AGPAT4: variants seen among roughly 807,000 people sequenced by gnomAD.
AGPAT4 encodes 1-acyl-sn-glycerol-3-phosphate acyltransferase delta.
In AGPAT4, 15 loss-of-function variants were observed where a neutral mutation model predicts 48.0. The ratio of observed to expected loss-of-function variants is 0.31; its 90% CI spans 0.21 to 0.48. The LOEUF (loss-of-function observed/expected upper bound fraction) is 0.48, where lower values mean the gene tolerates loss of function less well. Among genes scored for constraint, AGPAT4 ranks in the 20% least tolerant of loss-of-function variants. AGPAT4 has a pLI of 0.99. For synonymous variants in AGPAT4, 178 were observed against 198.7 expected, an observed-to-expected ratio of 0.90 and a Z score of 0.88; for missense variants, 314 against 482.5, an observed-to-expected ratio of 0.65 and a Z score of 3.27.
rs909970326 is a variant in AGPAT4, at chr6:161,242,540, T to C, written c.-89-10238A>G. ...GGGCTGGAGGGTGCAGACCTCAGAG[T>C]AGGTACACATTCTGAGGGTGCCAGC... On this transcript the variant is annotated intron_variant, in intron 1 of 8. Coordinates refer to ENST00000320285, the MANE Select transcript of AGPAT4 (RefSeq NM_020133.3). The surrounding 1 kb of genome is among the most constrained non-coding windows in gnomAD (Gnocchi z 5.0). 6.6e-6 allele frequency among the ~76,000 whole-genome samples: 1 copy of C among 151,920 alleles called. No individual in the cohort carries two copies. The highest frequency in any genetic ancestry group is 1.5e-5 in the Non-Finnish European group (1 of 67,990).
Position 161,189,777 on chromosome 6 carries a change from C to A in AGPAT4, c.179-23360G>T, listed in dbSNP as rs1160420563. Among the ~76,000 whole-genome samples, 1 of 152,146 alleles carries A rather than the reference C, an allele frequency of 6.6e-6. No individual in the cohort carries two copies. Among genetic ancestry groups the A allele is most frequent in the Non-Finnish European group, 1.5e-5 (1 of 68,036 alleles). On this transcript the variant is annotated intron_variant, in intron 2 of 8. Transcript: ENST00000320285. The surrounding 1 kb of genome is among the most constrained non-coding windows in gnomAD (Gnocchi z 5.3). ...CCTCCACCCAAAAAAGGGCTGAATG[C>A]CAACCTGAAATGTGGTTCTCTGAGT...
In AGPAT4 at chr6:161,180,147, A is replaced by G. The variant is rs1410874209; in HGVS notation, c.179-13730T>C. On this transcript the variant is annotated intron_variant, in intron 2 of 8. Coordinates refer to ENST00000320285, the MANE Select transcript of AGPAT4 (RefSeq NM_020133.3). This position sits in a 1 kb window ranked among gnomAD's most constrained non-coding sequence, Gnocchi z 6.4. ...TCCCAGGGATGCCTATCCTCCCTGG[A>G]GACCCCAACAATATTTCAAGCCTCC... 1.3e-5 allele frequency among the ~76,000 whole-genome samples: 2 copies of G among 152,114 alleles called. No individual in the cohort carries two copies. Among genetic ancestry groups the G allele is most frequent in the Non-Finnish European group, 2.9e-5 (2 of 68,012 alleles).
intron 1 of AGPAT4, among the ~76,000 whole-genome samples, chr6:161,265,166 T>TG (rs1436968343): frequency 1.1e-3 from 132 of 119,788 alleles, no homozygotes; most frequent in East Asian, 8.1e-3. Flanking sequence ...GACTGGGTGC[T>TG]GATTAGTACC....
Position 161,166,012 on chromosome 6 carries a change from A to G in AGPAT4, c.348+236T>C, listed in dbSNP as rs1389577073. ...GTTGCTGTAAGGATTAAATAAATGA[A>G]TCATATGTAAAATGGCCGGCAGGTA... On this transcript the variant is annotated intron_variant, in intron 3 of 8. Coordinates refer to ENST00000320285, the MANE Select transcript of AGPAT4 (RefSeq NM_020133.3). This position sits in a 1 kb window ranked among gnomAD's most constrained non-coding sequence, Gnocchi z 6.7. 1 of 624,300 alleles carries G rather than the reference A, an allele frequency of 1.6e-6. No individual in the cohort carries two copies. Among genetic ancestry groups the G allele is most frequent in the East Asian group, 2.7e-5 (1 of 36,432 alleles). The allele number at this position is 624,300 out of a possible 1,614,324, so 38.7% of individuals were successfully genotyped here.
chr6:161,264,053 T>TA lies in AGPAT4; in HGVS notation c.-90+9884dup, dbSNP rs1268914132. Among the ~76,000 whole-genome samples the TA allele has an allele frequency of 1.3e-5, 2 of 152,124 alleles. No individual in the cohort carries two copies. The highest frequency in any genetic ancestry group is 2.9e-5 in the Non-Finnish European group (2 of 68,026). On this transcript the variant is annotated intron_variant, in intron 1 of 8. Coordinates refer to ENST00000320285, the MANE Select transcript of AGPAT4 (RefSeq NM_020133.3). This position sits in a 1 kb window ranked among gnomAD's most constrained non-coding sequence, Gnocchi z 6.8. ...CTGGGGGCAAGCTGAAATGAGGTGT[T>TA]ATACAAAGCAGACAGCTTCTAGTAA...
In AGPAT4 at chr6:161,130,602, C is replaced by T. The variant is rs1778868565; in HGVS notation, c.*5938G>A. On this transcript the variant is annotated 3_prime_UTR_variant, in exon 9 of 9. Transcript: ENST00000320285. Reference sequence around the variant, plus strand: ...CCTGACCTGAACCGGGTGTGTTCCACCCTTGCCCATGGTTAGATCTCTTTC... The same window carrying T: ...CCTGACCTGAACCGGGTGTGTTCCATCCTTGCCCATGGTTAGATCTCTTTC... 4.1e-6 allele frequency: 1 copy of T among 245,124 alleles called. No homozygotes were observed. Among genetic ancestry groups the T allele is most frequent in the African/African-American group, 2.2e-5 (1 of 45,372 alleles). The allele number at this position is 245,124 out of a possible 1,614,324, so 15.2% of individuals were successfully genotyped here.
At position 161,170,497 on chromosome 6, in the gene AGPAT4, A is replaced by G. The variant is rs528764924; in HGVS notation, c.179-4080T>C. ...CGCACACACACACACACACACACAC[A>G]CACACACACATACACATATACTCAA... On this transcript the variant is annotated intron_variant, in intron 2 of 8. Transcript: ENST00000320285. Among the ~76,000 whole-genome samples, 323 of 152,136 alleles carry G rather than the reference A, an allele frequency of 2.1e-3. 2 individuals carry two copies. Among genetic ancestry groups the G allele is most frequent in the African/African-American group, 7.4e-3 (307 of 41,476 alleles).
rs928441570 is a variant in AGPAT4 at position 161,249,466 on chromosome 6, C to T, written c.-89-17164G>A. Among the ~76,000 whole-genome samples the T allele has an allele frequency of 7.2e-5, 11 of 152,018 alleles. No homozygotes were observed. In the East Asian group the frequency reaches 1.2e-3, roughly 16 times the overall value. ...TCCATAAGGAACTTAAATAAATTTA[C>T]GAGAAAAAACACACAACCCCATTAA... is the stretch of plus-strand genomic sequence containing the variant. On this transcript the variant is annotated intron_variant, in intron 1 of 8. Coordinates refer to ENST00000320285, the MANE Select transcript of AGPAT4 (RefSeq NM_020133.3). The surrounding 1 kb of genome is among the most constrained non-coding windows in gnomAD (Gnocchi z 6.2).
rs140213710 is a variant in AGPAT4 at position 161,264,188 on chromosome 6, T to C, written c.-90+9750A>G. Among the ~76,000 whole-genome samples the C allele has an allele frequency of 5.9e-3, 899 of 152,264 alleles. 9 individuals carry two copies. Among genetic ancestry groups the C allele is most frequent in the African/African-American group, 0.021 (871 of 41,538 alleles). On this transcript the variant is annotated intron_variant, in intron 1 of 8. Coordinates refer to ENST00000320285, the MANE Select transcript of AGPAT4 (RefSeq NM_020133.3). This position sits in a 1 kb window ranked among gnomAD's most constrained non-coding sequence, Gnocchi z 6.8. Reference sequence around the variant, plus strand: ...TATGATTGGAAAGTGACCTTCTTTCTCCCTATATTTACTATCTCAGGGCGT... The same window carrying C: ...TATGATTGGAAAGTGACCTTCTTTCCCCCTATATTTACTATCTCAGGGCGT...
chr6:161,255,072 A>G lies in AGPAT4; in HGVS notation c.-90+18866T>C, dbSNP rs142321230. 2.1e-3 allele frequency among the ~76,000 whole-genome samples: 320 copies of G among 152,302 alleles called. No individual in the cohort carries two copies. The highest frequency in any genetic ancestry group is 7.5e-3 in the African/African-American group (310 of 41,572). On this transcript the variant is annotated intron_variant, in intron 1 of 8. Transcript: ENST00000320285. This position sits in a 1 kb window ranked among gnomAD's most constrained non-coding sequence, Gnocchi z 4.7. ...AAGCAAAGATACACTAAGTCTAGAC[A>G]GGCCCTGGTTCCCTGTGATAAACTC...
chr6:161,262,329 A>G lies in AGPAT4; in HGVS notation c.-90+11609T>C, dbSNP rs1465780337. Among the ~76,000 whole-genome samples, 2 of 152,192 alleles carry G rather than the reference A, an allele frequency of 1.3e-5. No homozygotes were observed. Among genetic ancestry groups the G allele is most frequent in the Non-Finnish European group, 2.9e-5 (2 of 68,032 alleles). On this transcript the variant is annotated intron_variant, in intron 1 of 8. Coordinates refer to ENST00000320285, the MANE Select transcript of AGPAT4 (RefSeq NM_020133.3). The surrounding 1 kb of genome is among the most constrained non-coding windows in gnomAD (Gnocchi z 4.9). ...AGAACATGGGTTAGACTCTGCTGCC[A>G]GGACCTGAAAAGCGTGATGGAGCTG...
At position 161,259,759 on chromosome 6, in the gene AGPAT4, A is replaced by G. The variant is rs2114747910; in HGVS notation, c.-90+14179T>C. On this transcript the variant is annotated intron_variant, in intron 1 of 8. Transcript: ENST00000320285. The surrounding 1 kb of genome is among the most constrained non-coding windows in gnomAD (Gnocchi z 4.9). Reference sequence around the variant, plus strand: ...AGCTTACCAACAGGGCAACTCCTCAAATGTGACCAAGGAAGAGAGTTAAGA... The same window carrying G: ...AGCTTACCAACAGGGCAACTCCTCAGATGTGACCAAGGAAGAGAGTTAAGA... Among the ~76,000 whole-genome samples, 1 of 152,236 alleles carries G rather than the reference A, an allele frequency of 6.6e-6. No homozygotes were observed. The highest frequency in any genetic ancestry group is 2.4e-5 in the African/African-American group (1 of 41,564).
rs757891212 is a variant in AGPAT4, at chr6:161,139,453, C to T, written c.1011G>A (p.Thr337=). 9.9e-6 allele frequency: 16 copies of T among 1,613,946 alleles called. No homozygotes were observed. The highest frequency in any genetic ancestry group is 5.3e-5 in the African/African-American group (4 of 74,914). Residue 337 remains threonine, a synonymous_variant, in exon 8 of 9, where the codon ACG becomes ACA. Transcript: ENST00000320285. This position sits in a 1 kb window ranked among gnomAD's most constrained non-coding sequence, Gnocchi z 9.1. ...VSMIRSGSSL[T]LASFILVFFV... ...AGAAGACGAGGATGAAGCTGGCCAG[C>T]GTCAGGGAAGACCCGCTCCTGATCA...
intron 2 of AGPAT4, among the ~76,000 whole-genome samples, chr6:161,183,221 G>A (rs530126789): frequency 6.6e-6 from 1 of 152,274 alleles, no homozygotes; most frequent in African/African-American, 2.4e-5. Flanking sequence ...CTGATGTGGA[G>A]CCTGCTGACA....
chr6:161,183,550 G>T (rs971889380), intron 2 of AGPAT4, among the ~76,000 whole-genome samples: 3 of 149,746 alleles, frequency 2.0e-5, no homozygotes, highest in Non-Finnish European at 4.4e-5. Flanking sequence ...AACCCAGGAG[G>T]TGGAGGCTGC....
At position 161,158,915 on chromosome 6, in the gene AGPAT4, T is replaced by A. The variant is rs1174137054; in HGVS notation, c.349-4605A>T. Among the ~76,000 whole-genome samples the A allele has an allele frequency of 6.6e-6, 1 of 152,212 alleles. No individual in the cohort carries two copies. Among genetic ancestry groups the A allele is most frequent in the African/African-American group, 2.4e-5 (1 of 41,468 alleles). On this transcript the variant is annotated intron_variant, in intron 3 of 8. Coordinates refer to ENST00000320285, the MANE Select transcript of AGPAT4 (RefSeq NM_020133.3). This position sits in a 1 kb window ranked among gnomAD's most constrained non-coding sequence, Gnocchi z 5.3. Reference sequence around the variant, plus strand: ...GAACCCCTCAGGGGCTGAGGCTCTATGGCCAGCTTTGTTTGCAAACGTCCA... The same window carrying A: ...GAACCCCTCAGGGGCTGAGGCTCTAAGGCCAGCTTTGTTTGCAAACGTCCA...
intron 1 of AGPAT4, among the ~76,000 whole-genome samples, chr6:161,257,703 T>C (rs1782981088): frequency 2.0e-5 from 3 of 151,908 alleles, no homozygotes; most frequent in South Asian, 2.1e-4. Context: ...ATTTTCTTCA[T>C]GGAAATTAAA....
intron 2 of AGPAT4, among the ~76,000 whole-genome samples, chr6:161,191,133 A>T (rs1451511193): frequency 6.6e-6 from 1 of 152,232 alleles, no homozygotes; most frequent in African/African-American, 2.4e-5. Context: ...GGCCACACCT[A>T]GTGACAAATG....
At position 161,249,668 on chromosome 6, in the gene AGPAT4, C is replaced by T. The variant is rs998700189; in HGVS notation, c.-89-17366G>A. Among the ~76,000 whole-genome samples the T allele has an allele frequency of 6.6e-6, 1 of 152,176 alleles. No individual in the cohort carries two copies. The highest frequency in any genetic ancestry group is 2.4e-5 in the African/African-American group (1 of 41,442). On this transcript the variant is annotated intron_variant, in intron 1 of 8. Transcript: ENST00000320285. The surrounding 1 kb of genome is among the most constrained non-coding windows in gnomAD (Gnocchi z 6.2). The stretch of plus-strand genomic sequence containing the variant: ...TTTAAAAGTCAAAAAATAACACATG[C>T]TGGTGAGGTTGCAGAGAAAAAGGAA...
Sources: gnomAD v4.1 joint callset for allele counts (sites outside exome capture counted in the v4.1 genomes callset) on GRCh38, gnomAD v4.1.1 for gene constraint, Gnocchi (gnomAD v3.1) non-coding constraint, MANE v1.5 for transcripts, NCBI Gene and HGNC (gene_info 2026-07-23, HGNC 2026-07-21) for gene names.